Variants in PTPRO observed in about 807,000 individuals in gnomAD.
PTPRO encodes the protein receptor-type tyrosine-protein phosphatase O.
Under a neutral mutation model 145.2 loss-of-function variants are expected in PTPRO, and 62 were observed. That is an observed-to-expected ratio of 0.43 (90% confidence interval 0.35 to 0.53). The LOEUF (loss-of-function observed/expected upper bound fraction) is 0.53. Ranked by LOEUF, PTPRO falls within the 20% of genes least tolerant of loss-of-function variation. The pLI is 0.01. For synonymous variants in PTPRO, 565 were observed against 514.7 expected (o/e 1.10, Z -1.32); for missense variants, 1,345 against 1,482.7 (o/e 0.91, Z 1.53).
At chr12:15,592,928 T>C (rs1239856072) in intron 25 of PTPRO, among the ~76,000 whole-genome samples, 2 of 152,218 alleles carry the variant, frequency 1.3e-5, no homozygotes, top group East Asian at 3.8e-4. Flanking sequence ...GATCTGCAGT[T>C]TGAATTTCGG....
At chr12:15,576,946 T>C (rs1944199328) in intron 19 of PTPRO, among the ~76,000 whole-genome samples, 1 of 152,184 alleles carries the variant, frequency 6.6e-6, no homozygotes, top group Admixed American at 6.5e-5. Context: ...TTAAATAAAC[T>C]TATAACTACC....
At chr12:15,407,476 C>T (rs1460955598) in intron 1 of PTPRO, among the ~76,000 whole-genome samples, 1 of 152,158 alleles carries the variant, frequency 6.6e-6, no homozygotes, top group Non-Finnish European at 1.5e-5. Flanking sequence ...ATTCTGGGTA[C>T]TGTGAGAGAA....
chr12:15,582,166 C>T (rs1335130481), intron 23 of PTPRO, among the ~76,000 whole-genome samples: 3 of 152,254 alleles, frequency 2.0e-5, no homozygotes, highest in South Asian at 2.1e-4. Flanking sequence ...ATGCCTTAAG[C>T]GGTTTTCCGC....
At chr12:15,437,310 C>T (rs1450850093) in intron 1 of PTPRO, among the ~76,000 whole-genome samples, 1 of 151,698 alleles carries the variant, frequency 6.6e-6, no homozygotes, top group Admixed American at 6.6e-5. Context: ...CCAGAGTCAC[C>T]CCACCCCTCA....
intron 1 of PTPRO, among the ~76,000 whole-genome samples, chr12:15,387,137 G>A (rs1197468344): frequency 2.0e-5 from 3 of 152,016 alleles, no homozygotes; most frequent in East Asian, 1.9e-4. Context: ...GTGTGCACAC[G>A]TATCAAGAAA....
intron 19 of PTPRO, among the ~76,000 whole-genome samples, chr12:15,571,489 T>C (rs1415540575): frequency 2.0e-5 from 3 of 152,144 alleles, no homozygotes; most frequent in African/African-American, 7.2e-5. Flanking sequence ...GGTTTCACCA[T>C]ATTGACTAGT....
At position 15,504,037 on chromosome 12, in the gene PTPRO, G is replaced by A. The variant is rs762590078; in HGVS notation, c.1235G>A (p.Ser412Asn). ...TCAGGATCTTGTGAAACTCGAAAAA[G>A]TCAGTCAGCAAAATCACTCAGCTTT... ...SSSGSCETRK[S>N]QSAKSLSFYI... Residue 412 changes from serine to asparagine, a missense_variant, in exon 6 of 27, where the codon AGT becomes AAT. Physicochemically the swap from Ser to Asn is conservative, Grantham distance 46 (BLOSUM62 1). Coordinates refer to ENST00000281171, the MANE Select transcript of PTPRO (RefSeq NM_030667.3). The A allele has an allele frequency of 6.2e-7, 1 of 1,613,242 alleles. No homozygotes were observed. Among genetic ancestry groups the A allele is most frequent in the Non-Finnish European group, 8.5e-7 (1 of 1,179,358 alleles).
chr12:15,471,492 C>T (rs1049086760), intron 1 of PTPRO, among the ~76,000 whole-genome samples: 2 of 152,142 alleles, frequency 1.3e-5, no homozygotes, highest in African/African-American at 4.8e-5. Flanking sequence ...TAATCCACAG[C>T]CCATTGTAAA....
intron 1 of PTPRO, among the ~76,000 whole-genome samples, chr12:15,434,176 A>G (rs1940531342): frequency 6.6e-6 from 1 of 152,262 alleles, no homozygotes; most frequent in African/African-American, 2.4e-5. Flanking sequence ...TCTACCAAAT[A>G]TTAGCACTAC....
chr12:15,464,680 T>C (rs1291185021), intron 1 of PTPRO, among the ~76,000 whole-genome samples: 2 of 152,082 alleles, frequency 1.3e-5, no homozygotes, highest in Admixed American at 6.6e-5. Flanking sequence ...GTCTTTATTA[T>C]AAATTGAATA....
intron 19 of PTPRO, among the ~76,000 whole-genome samples, chr12:15,577,486 G>A (rs11056571): frequency 0.19 from 28,857 of 152,130 alleles, 2,886 homozygotes; most frequent in Middle Eastern, 0.27. Context: ...ACGTGGTCAA[G>A]TGGCTCCAAT....
intron 26 of PTPRO, chr12:15,595,820 T>G (rs973050098): frequency 6.6e-6 from 1 of 152,468 alleles, no homozygotes; most frequent in African/African-American, 2.4e-5. Context: ...AGGATAGGAT[T>G]AGCACTGCAC....
intron 1 of PTPRO, among the ~76,000 whole-genome samples, chr12:15,380,285 A>G (rs1313828877): frequency 3.3e-5 from 5 of 152,142 alleles, no homozygotes; most frequent in Non-Finnish European, 5.9e-5. Context: ...AGAGAAAAAT[A>G]ATAGTCAGGG....
chr12:15,573,362 G>A (rs1198265062), intron 19 of PTPRO, among the ~76,000 whole-genome samples: 1 of 152,126 alleles, frequency 6.6e-6, no homozygotes, highest in African/African-American at 2.4e-5. Flanking sequence ...TTACGTAAAT[G>A]TTAATCACAT....
intron 10 of PTPRO, among the ~76,000 whole-genome samples, chr12:15,520,839 G>GT (rs911296691): frequency 4.6e-5 from 7 of 151,796 alleles, no homozygotes; most frequent in Admixed American, 2.6e-4. Flanking sequence ...TTCTAAATAT[G>GT]TTTTTTTTAA....
At chr12:15,497,057 T>C (rs1319007156) in intron 2 of PTPRO, among the ~76,000 whole-genome samples, 188 bp from the exon 3 acceptor site, 2 of 152,244 alleles carry the variant, frequency 1.3e-5, no homozygotes, top group Non-Finnish European at 2.9e-5. Context: ...AAGCACCATA[T>C]AAAATGTACT....
At chr12:15,376,043 G>A (rs1056269919) in intron 1 of PTPRO, among the ~76,000 whole-genome samples, 1 of 152,114 alleles carries the variant, frequency 6.6e-6, no homozygotes, top group African/African-American at 2.4e-5. Context: ...CACATTATGT[G>A]AGCTCCAGAA....
intron 12 of PTPRO, among the ~76,000 whole-genome samples, chr12:15,530,288 T>C (rs1350788443): frequency 6.6e-6 from 1 of 152,172 alleles, no homozygotes; most frequent in Non-Finnish European, 1.5e-5. Flanking sequence ...GGAGGGGACT[T>C]CAACACCCCA....
At position 15,413,282 on chromosome 12, in the gene PTPRO, A is replaced by G. The variant is rs542797286; in HGVS notation, c.76-70692A>G. Among the ~76,000 whole-genome samples, 5 of 152,124 alleles carry G rather than the reference A, an allele frequency of 3.3e-5. No homozygotes were observed. In the South Asian group the frequency reaches 1.0e-3, roughly 32 times the overall value. ...ATTTTTTTGTGTGTATTTTTTATAG[A>G]TATGGGGTTTCACCATGTTGCTCAG... On this transcript the variant is annotated intron_variant, in intron 1 of 26. Coordinates refer to ENST00000281171, the MANE Select transcript of PTPRO (RefSeq NM_030667.3).
Sources: gnomAD v4.1 joint callset for allele counts (sites outside exome capture counted in the v4.1 genomes callset) on GRCh38, gnomAD v4.1.1 for gene constraint, MANE v1.5 for transcripts, NCBI Gene and HGNC (gene_info 2026-07-23, HGNC 2026-07-21) for gene names.